The following CEPT1 variants were observed in gnomAD, a reference collection of about 807,000 sequenced individuals.
The protein encoded by CEPT1 is choline/ethanolamine phosphotransferase 1.
In CEPT1, 7 loss-of-function variants were observed where a neutral mutation model predicts 42.6. The observed-to-expected ratio is 0.16, with a 90% CI of 0.09 to 0.31. The LOEUF (loss-of-function observed/expected upper bound fraction) is 0.31. Among genes scored for constraint, CEPT1 ranks in the 10% least tolerant of loss-of-function variants. The probability of loss-of-function intolerance (pLI) is 1.00; values close to 1 mark genes in which losing one functional copy is unlikely to be tolerated. For synonymous variants in CEPT1, 171 were observed against 171.9 expected, an observed-to-expected ratio of 0.99 and a Z score of 0.04; for missense variants, 306 against 502.1, an observed-to-expected ratio of 0.61 and a Z score of 3.73.
chr1:111,157,393 A>C (rs1655626994), intron 2 of CEPT1, among the ~76,000 whole-genome samples: 2 of 152,264 alleles, frequency 1.3e-5, no homozygotes, highest in Admixed American at 1.3e-4. Flanking sequence ...TGTGAGGTCC[A>C]ATATAGTAGC....
At chr1:111,154,045 G>A (rs966108789) in intron 2 of CEPT1, among the ~76,000 whole-genome samples, 1 of 151,986 alleles carries the variant, frequency 6.6e-6, no homozygotes. Flanking sequence ...GCTTTGGGTA[G>A]TATGGCCATT....
chr1:111,143,255 C>T (rs754795547), intron 1 of CEPT1, among the ~76,000 whole-genome samples: 3 of 152,190 alleles, frequency 2.0e-5, no homozygotes, highest in Non-Finnish European at 4.4e-5. Context: ...TATCTCAGGG[C>T]GTGTTCCATT....
rs1372879549 is a variant in CEPT1, at chr1:111,143,099, C to T, written c.-74+2792C>T. On this transcript the variant is annotated intron_variant, in intron 1 of 8. Coordinates refer to ENST00000357172, the MANE Select transcript of CEPT1 (RefSeq NM_006090.5). ...CTAAAGTTACAGGTTTCTTTATAAG[C>T]ACATCAGTTGCTTTCCATTACATCC... Among the ~76,000 whole-genome samples the T allele has an allele frequency of 1.3e-4, 20 of 152,310 alleles. No individual in the cohort carries two copies. In the East Asian group the frequency reaches 3.7e-3, roughly 28 times the overall value.
chr1:111,148,560 G>A (rs1179427136), intron 2 of CEPT1, among the ~76,000 whole-genome samples: 1 of 152,080 alleles, frequency 6.6e-6, no homozygotes, highest in Non-Finnish European at 1.5e-5. Flanking sequence ...CTGTGGCAAA[G>A]GAAGTGTAAG....
chr1:111,160,171 T>C (rs1262097545), intron 3 of CEPT1: 1 of 152,232 alleles, frequency 6.6e-6, no homozygotes, highest in Admixed American at 6.5e-5. Flanking sequence ...TGAGTTACTC[T>C]GTTTGGATTA....
intron 5 of CEPT1, chr1:111,180,041 G>C (rs1656893756): frequency 6.6e-6 from 1 of 152,120 alleles, no homozygotes; most frequent in African/African-American, 2.4e-5. Flanking sequence ...TAATGTTTGT[G>C]TTTATTCTTC....
At chr1:111,149,067 T>A (rs1049537517) in intron 2 of CEPT1, among the ~76,000 whole-genome samples, 1 of 152,154 alleles carries the variant, frequency 6.6e-6, no homozygotes, top group Non-Finnish European at 1.5e-5. Context: ...TCTATTCTTT[T>A]CTGTTTTCAT....
rs1032019107 is a variant in CEPT1, at chr1:111,184,857, T to TC, written c.*547_*548insC. Reference sequence around the variant, plus strand: ...ATTGTTGAGGAAGTCCTTTTTTTTTTTTTTTTTTTTTTAATTGCTCAAGAA... The same window carrying TC: ...ATTGTTGAGGAAGTCCTTTTTTTTTTCTTTTTTTTTTTTAATTGCTCAAGAA... On this transcript the variant is annotated 3_prime_UTR_variant, in exon 9 of 9. Coordinates refer to ENST00000357172, the MANE Select transcript of CEPT1 (RefSeq NM_006090.5). The TC allele has an allele frequency of 1.3e-5, 2 of 151,154 alleles. No individual in the cohort carries two copies. The highest frequency in any genetic ancestry group is 4.9e-5 in the African/African-American group (2 of 41,098). The allele number at this position is 151,154 out of a possible 1,614,324, so 9.4% of individuals were successfully genotyped here.
At chr1:111,149,060 A>G (rs1192117652) in intron 2 of CEPT1, among the ~76,000 whole-genome samples, 1 of 152,030 alleles carries the variant, frequency 6.6e-6, no homozygotes, top group Admixed American at 6.6e-5. Context: ...TCAACCCTCT[A>G]TTCTTTTCTG....
intron 1 of CEPT1, among the ~76,000 whole-genome samples, chr1:111,145,615 C>G (rs1654917569): frequency 6.6e-6 from 1 of 152,188 alleles, no homozygotes; most frequent in Admixed American, 6.5e-5. Flanking sequence ...CATGTGGTTA[C>G]TCATGAGCTG....
At position 111,160,527 on chromosome 1, in the gene CEPT1, T is replaced by C. The variant is rs1485179055; in HGVS notation, c.488-628T>C. On this transcript the variant is annotated intron_variant, in intron 3 of 8. Coordinates refer to ENST00000357172, the MANE Select transcript of CEPT1 (RefSeq NM_006090.5). ...AGGAGGAGAAGCAACTAAGGTCATA[T>C]AATTTTTTAAGAGTCAAATCAAGAA... 2.6e-5 allele frequency: 4 copies of C among 152,754 alleles called. No individual in the cohort carries two copies. The East Asian group carries it at 7.7e-4, about 29-fold the overall frequency. The allele number at this position is 152,754 out of a possible 1,614,324, so 9.5% of individuals were successfully genotyped here. A position where few individuals can be genotyped will look rare whatever the true frequency, so the allele number is the denominator to read the frequency against.
intron 2 of CEPT1, among the ~76,000 whole-genome samples, chr1:111,152,855 A>G (rs1418268417): frequency 1.3e-5 from 2 of 152,080 alleles, no homozygotes; most frequent in Non-Finnish European, 1.5e-5. Context: ...TTTCCTTCTG[A>G]TTGACACATA....
rs180814020 is a variant in CEPT1 at position 111,174,862 on chromosome 1, T to C, written c.630-17T>C. On this transcript the variant is annotated splice_polypyrimidine_tract_variant and intron_variant, in intron 4 of 8. Coordinates refer to ENST00000357172, the MANE Select transcript of CEPT1 (RefSeq NM_006090.5). ...TTGTGACTAATTCTGCTCTTTTGGC[T>C]TTTTGTACCTAATCAGAATTGATGT... 3.6e-3 allele frequency: 5,541 copies of C among 1,559,812 alleles called. 20 individuals are homozygous for C. The highest frequency in any genetic ancestry group is 4.2e-3 in the Non-Finnish European group (4,771 of 1,130,864).
intron 5 of CEPT1, among the ~76,000 whole-genome samples, chr1:111,177,511 T>C (rs943399725): frequency 2.6e-5 from 4 of 152,196 alleles, no homozygotes; most frequent in Non-Finnish European, 4.4e-5. Context: ...TGGAAATGCA[T>C]AAAACATTGT....
chr1:111,147,019 A>C (rs1655006316), intron 1 of CEPT1, among the ~76,000 whole-genome samples: 1 of 152,176 alleles, frequency 6.6e-6, no homozygotes, highest in African/African-American at 2.4e-5. Flanking sequence ...GTTTGTTTGA[A>C]TGCTACTTAC....
At chr1:111,179,945 A>G (rs1656889308) in intron 5 of CEPT1, 1 of 152,214 alleles carries the variant, frequency 6.6e-6, no homozygotes. Context: ...TGAAAACCTT[A>G]AGAATCTATG....
At chr1:111,176,774 A>C (rs757367429) in intron 5 of CEPT1, among the ~76,000 whole-genome samples, 4 of 152,180 alleles carry the variant, frequency 2.6e-5, no homozygotes, top group Non-Finnish European at 5.9e-5. Context: ...AATTTTGTGG[A>C]TGAAACAAAG....
Position 111,161,194 on chromosome 1 carries a change from G to A in CEPT1, c.527G>A (p.Gly176Glu). Residue 176 changes from glycine to glutamate, a missense_variant, in exon 4 of 9, where the codon GGG (glycine) becomes GAG (glutamate). Gly to Glu is a moderately conservative substitution (Grantham distance 98). Around this residue, in one of 2 missense-constraint regions of CEPT1, gnomAD observed 253 missense variants for 447.3 expected, o/e 0.57. Transcript: ENST00000357172. ...GGAACTTGTATTGCAGTGCAGCTGG[G>A]GACAAACCCTGATTGGATGTTTTTT... ...VLGTCIAVQL[G>E]TNPDWMFFCC... The A allele has an allele frequency of 6.2e-7, 1 of 1,613,954 alleles. No individual in the cohort carries two copies. Among genetic ancestry groups the A allele is most frequent in the Non-Finnish European group, 8.5e-7 (1 of 1,179,948 alleles).
At chr1:111,158,974 C>T (rs1208638405) in intron 2 of CEPT1, among the ~76,000 whole-genome samples, 6 of 117,560 alleles carry the variant, frequency 5.1e-5, no homozygotes, top group Admixed American at 1.2e-4. Context: ...AGTGCAGTGG[C>T]GCAATCTCGG....
Sources: allele counts gnomAD v4.1 joint callset (sites outside exome capture counted in the v4.1 genomes callset), GRCh38; gene constraint gnomAD v4.1.1; regional missense constraint gnomAD v4.1.1; transcripts MANE v1.5; gene names NCBI Gene and HGNC (gene_info 2026-07-23, HGNC 2026-07-21).